Variants in PLCB1 observed in about 807,000 individuals in gnomAD.
The protein encoded by PLCB1 is 1-phosphatidylinositol 4,5-bisphosphate phosphodiesterase beta-1.
In PLCB1, 46 loss-of-function variants were observed where a neutral mutation model predicts 161.8. The ratio of observed to expected loss-of-function variants is 0.28; its 90% CI spans 0.22 to 0.36. PLCB1 has a LOEUF of 0.36. PLCB1 is among the 10% of genes least tolerant of loss of function. PLCB1 has a pLI of 1.00. For missense variants in PLCB1, 1,016 were observed against 1,472.5 expected, an observed-to-expected ratio of 0.69 and a Z score of 5.07; for synonymous variants, 517 against 503.7, an observed-to-expected ratio of 1.03 and a Z score of -0.35.
intron 2 of PLCB1, among the ~76,000 whole-genome samples, chr20:8,157,274 G>T (rs2051572176): frequency 6.6e-6 from 1 of 152,144 alleles, no homozygotes; most frequent in Non-Finnish European, 1.5e-5. Context: ...TGATTTAGAG[G>T]ACTTTGATAG....
At chr20:8,662,020 A>ATTATATAAT (rs11087817) in intron 9 of PLCB1, among the ~76,000 whole-genome samples, 1 of 28,918 alleles carries the variant, frequency 3.5e-5, no homozygotes, top group African/African-American at 1.3e-4. Context: ...ATTATATATA[A>ATTATATAAT]TATACAATTA....
At position 8,427,856 on chromosome 20, in the gene PLCB1, T is replaced by C. The variant is rs80024194; in HGVS notation, c.246+56406T>C. 7.9e-3 allele frequency among the ~76,000 whole-genome samples: 1,203 copies of C among 152,310 alleles called. 12 individuals are homozygous for C. The highest frequency in any genetic ancestry group is 0.028 in the African/African-American group (1,152 of 41,558). ...AATATCTTAAAGGAAAAACTGAATG[T>C]TTCATAATGTTCAAGTTGTTATCTG... is the stretch of plus-strand genomic sequence containing the variant. On this transcript the variant is annotated intron_variant, in intron 3 of 31. Coordinates refer to ENST00000338037, the MANE Select transcript of PLCB1 (RefSeq NM_015192.4).
chr20:8,185,480 G>T (rs192624950), intron 2 of PLCB1, among the ~76,000 whole-genome samples: 1 of 152,070 alleles, frequency 6.6e-6, no homozygotes, highest in East Asian at 1.9e-4. Flanking sequence ...GATTTAGGAA[G>T]ATTTCTAAGG....
chr20:8,663,209 A>G (rs1421682212), intron 9 of PLCB1, among the ~76,000 whole-genome samples: 1 of 151,946 alleles, frequency 6.6e-6, no homozygotes, highest in Admixed American at 6.6e-5. Context: ...CACAACATAG[A>G]TATACACACA....
chr20:8,369,849 T>C (rs1986847339), intron 2 of PLCB1, among the ~76,000 whole-genome samples: 1 of 152,242 alleles, frequency 6.6e-6, no homozygotes, highest in South Asian at 2.1e-4. Context: ...TTGGACCTTC[T>C]GTGTGGGTTT....
intron 2 of PLCB1, among the ~76,000 whole-genome samples, chr20:8,181,238 G>C (rs2051840016): frequency 8.7e-6 from 1 of 114,860 alleles, no homozygotes; most frequent in Admixed American, 1.1e-4. Flanking sequence ...GATAGAATGA[G>C]ACTCTGTCTC....
chr20:8,688,386 C>T (rs959519151), intron 10 of PLCB1, among the ~76,000 whole-genome samples: 1 of 151,838 alleles, frequency 6.6e-6, no homozygotes, highest in Non-Finnish European at 1.5e-5. Context: ...TTGCTTTTAC[C>T]CAAAAGCAAT....
chr20:8,144,896 G>A lies in PLCB1; in HGVS notation c.100-5398G>A, dbSNP rs543791033. ...TGCCTCTATTCATGTGTGTTCTCTT[G>A]TAATACCATAAAAACATGAGAATCG... On this transcript the variant is annotated intron_variant, in intron 1 of 31. Transcript: ENST00000338037. Among the ~76,000 whole-genome samples the A allele has an allele frequency of 5.9e-5, 9 of 152,238 alleles. 1 individual carries two copies. The South Asian group carries it at 1.9e-3, about 32-fold the overall frequency.
chr20:8,790,081 T>C, intron 30 of PLCB1, 94 bp from the exon 31 acceptor site: 1 of 780,744 alleles, frequency 1.3e-6, no homozygotes. Flanking sequence ...TAATCAAATG[T>C]AAGCCATAGA....
chr20:8,474,731 C>A (rs1186888130), intron 3 of PLCB1, among the ~76,000 whole-genome samples: 1 of 151,994 alleles, frequency 6.6e-6, no homozygotes, highest in Non-Finnish European at 1.5e-5. Context: ...CATTTCTGGA[C>A]CTTGGATGAT....
intron 2 of PLCB1, among the ~76,000 whole-genome samples, chr20:8,344,490 C>A (rs969567046): frequency 1.3e-5 from 2 of 152,210 alleles, no homozygotes; most frequent in Non-Finnish European, 1.5e-5. Flanking sequence ...CATGTACATC[C>A]ACATCCTTTA....
chr20:8,768,820 C>T (rs1982513803), intron 26 of PLCB1, among the ~76,000 whole-genome samples: 1 of 152,194 alleles, frequency 6.6e-6, no homozygotes, highest in South Asian at 2.1e-4. Context: ...TACTTATAAT[C>T]TTCTATCTCT....
chr20:8,881,721 G>A lies in PLCB1; in HGVS notation c.3523G>A (p.Glu1175Lys). ...VQEAMKGKIS[E>K]DSNHGSAPLS... ...GGAAGCCATGAAAGGAAAGATCAGT[G>A]AAGACAGCAATCACGGTTCTGCCCC... The change falls in exon 32 of 32, where the codon GAA (glutamate) becomes AAA (lysine). Residue 1175 changes from glutamate (E) to lysine (K), a missense_variant. Glu to Lys is a moderately conservative substitution (Grantham distance 56, BLOSUM62 1). Transcript: ENST00000338037. 2.5e-6 allele frequency: 4 copies of A among 1,614,004 alleles called. No individual in the cohort carries two copies. The highest frequency in any genetic ancestry group is 3.4e-6 in the Non-Finnish European group (4 of 1,179,940).
chr20:8,307,836 T>C (rs543404250), intron 2 of PLCB1, among the ~76,000 whole-genome samples: 8 of 73,054 alleles, frequency 1.1e-4, no homozygotes, highest in Middle Eastern at 6.2e-3. Context: ...GCAGGAGAAT[T>C]GCTTGAACCT....
intron 31 of PLCB1, among the ~76,000 whole-genome samples, chr20:8,867,516 G>T (rs940027465): frequency 6.6e-6 from 1 of 152,192 alleles, no homozygotes; most frequent in African/African-American, 2.4e-5. Flanking sequence ...CCTCTGAATG[G>T]CCTTTTATTT....
intron 3 of PLCB1, among the ~76,000 whole-genome samples, chr20:8,416,929 TACAC>T (rs56097941): frequency 0.26 from 33,374 of 126,228 alleles, 4,433 homozygotes; most frequent in African/African-American, 0.32. Flanking sequence ...AGAGACAGAA[TACAC>T]ACACACACAC....
At chr20:8,301,382 A>G (rs1241455527) in intron 2 of PLCB1, among the ~76,000 whole-genome samples, 1 of 152,198 alleles carries the variant, frequency 6.6e-6, no homozygotes, top group Non-Finnish European at 1.5e-5. Context: ...AAGAACCAGG[A>G]AGGACTGAAA....
At chr20:8,806,104 C>G (rs1195218137) in intron 31 of PLCB1, among the ~76,000 whole-genome samples, 1 of 152,120 alleles carries the variant, frequency 6.6e-6, no homozygotes, top group Non-Finnish European at 1.5e-5. Flanking sequence ...TCACATTGCT[C>G]AAAGTCACTT....
chr20:8,796,878 A>T (rs1354422001), intron 31 of PLCB1, among the ~76,000 whole-genome samples: 3 of 152,172 alleles, frequency 2.0e-5, no homozygotes, highest in Admixed American at 1.3e-4. Context: ...CTACATATTC[A>T]CATATTCTTT....
Sources: allele counts gnomAD v4.1 joint callset (sites outside exome capture counted in the v4.1 genomes callset), GRCh38; gene constraint gnomAD v4.1.1; transcripts MANE v1.5; gene names NCBI Gene and HGNC (gene_info 2026-07-23, HGNC 2026-07-21).